Variants in CFAP206 observed in about 807,000 individuals in gnomAD.
CFAP206 encodes cilia- and flagella-associated protein 206.
A neutral mutation model predicts 65.4 loss-of-function variants in CFAP206; 53 were observed. The observed-to-expected ratio is 0.81, with a 90% CI of 0.65 to 1.02. CFAP206 has a LOEUF of 1.02. Among genes scored for constraint, CFAP206 ranks in the 50% least tolerant of loss-of-function variants. CFAP206 has a pLI of 0.00. For missense variants in CFAP206, 663 were observed against 753.2 expected, an observed-to-expected ratio of 0.88 and a Z score of 1.40; for synonymous variants, 250 against 254.4, an observed-to-expected ratio of 0.98 and a Z score of 0.17.
chr6:87,427,942 G>A (rs753030176), intron 8 of CFAP206, among the ~76,000 whole-genome samples: 3 of 148,910 alleles, frequency 2.0e-5, no homozygotes, highest in Non-Finnish European at 4.4e-5. Flanking sequence ...TGCAGGGTGC[G>A]TGGGGGGAAC....
chr6:87,434,418 CAAAA>C (rs11435368), intron 10 of CFAP206, among the ~76,000 whole-genome samples: 4 of 102,356 alleles, frequency 3.9e-5, no homozygotes, highest in African/African-American at 1.5e-4. Flanking sequence ...GACACAGTCT[CAAAA>C]AAAAAAAAAA....
intron 11 of CFAP206, among the ~76,000 whole-genome samples, chr6:87,439,536 T>G (rs1320957704): frequency 6.6e-6 from 1 of 152,132 alleles, no homozygotes; most frequent in Admixed American, 6.5e-5. Context: ...CTTTTTGTGG[T>G]GTCTCTTGAT....
chr6:87,458,925 G>A (rs1768696876), intron 11 of CFAP206, among the ~76,000 whole-genome samples: 1 of 151,964 alleles, frequency 6.6e-6, no homozygotes, highest in South Asian at 2.1e-4. Flanking sequence ...CATGTAACCT[G>A]ATAATTATGT....
chr6:87,412,512 A>G (rs77385039), intron 3 of CFAP206, among the ~76,000 whole-genome samples: 1 of 152,200 alleles, frequency 6.6e-6, no homozygotes, highest in Non-Finnish European at 1.5e-5. Flanking sequence ...TAAAGAGGCA[A>G]GGCAGAGAAG....
Position 87,450,816 on chromosome 6 carries a change from C to A in CFAP206, c.1495-10206C>A, listed in dbSNP as rs562181012. ...GGGTAGGAAAGACAGTCTTTAATTG[C>A]CTATACTACCCCTCCCCGCATGCCC... On this transcript the variant is annotated intron_variant, in intron 11 of 12. Coordinates refer to ENST00000369562, the MANE Select transcript of CFAP206 (RefSeq NM_001031743.3). Among the ~76,000 whole-genome samples, 5 of 152,206 alleles carry A rather than the reference C, an allele frequency of 3.3e-5. No homozygotes were observed. In the East Asian group the frequency reaches 5.8e-4, roughly 18 times the overall value.
At chr6:87,408,133 C>G (rs986254771) in intron 1 of CFAP206, 44 bp downstream of exon 1, 1 of 954,538 alleles carries the variant, frequency 1.0e-6, no homozygotes, top group South Asian at 4.8e-5. Flanking sequence ...GGAGGCGTAC[C>G]CCGCCAGGCG....
At chr6:87,429,360 A>AT (rs1262917947) in intron 9 of CFAP206, among the ~76,000 whole-genome samples, 5 of 152,160 alleles carry the variant, frequency 3.3e-5, no homozygotes, top group Non-Finnish European at 5.9e-5. Flanking sequence ...GTTAACAATC[A>AT]TTTTTTGTGC....
intron 11 of CFAP206, chr6:87,441,421 T>A: frequency 6.4e-6 from 1 of 156,996 alleles, no homozygotes; most frequent in Non-Finnish European, 1.4e-5. Flanking sequence ...ACGTAAAAAA[T>A]TCTGTTTCTG....
chr6:87,463,989 A>T, intron 12 of CFAP206, 31 bp from the exon 13 acceptor site: 1 of 1,535,708 alleles, frequency 6.5e-7, no homozygotes. Context: ...CTTTAGAGAA[A>T]TGTTAATTCC....
At chr6:87,426,965 G>A (rs916606143) in intron 8 of CFAP206, among the ~76,000 whole-genome samples, 1 of 152,116 alleles carries the variant, frequency 6.6e-6, no homozygotes, top group East Asian at 1.9e-4. Context: ...ATTGCCTCCA[G>A]TACAGAGATG....
intron 7 of CFAP206, 123 bp downstream of exon 7, chr6:87,418,539 G>T: frequency 3.1e-5 from 23 of 737,758 alleles, no homozygotes; most frequent in East Asian, 1.3e-4. Context: ...GGTTTATATT[G>T]CTTTGGTAGA....
rs1206669821 is a variant in CFAP206 at position 87,437,825 on chromosome 6, A to ATTT, written c.1494+2796_1494+2798dup. Among the ~76,000 whole-genome samples, 11 of 104,488 alleles carry ATTT rather than the reference A, an allele frequency of 1.1e-4. 1 individual carries two copies. The highest frequency in any genetic ancestry group is 3.3e-4 in the African/African-American group (9 of 27,004). 68.5% of individuals were successfully genotyped at this position (104,488 alleles called of 152,430 possible). ...GGCATGCACCAACCATGCCTGGCTA[A>ATTT]TTTTTTTTTTTTTTTTTTTTTTTTT... On this transcript the variant is annotated intron_variant, in intron 11 of 12. Transcript: ENST00000369562.
intron 8 of CFAP206, among the ~76,000 whole-genome samples, chr6:87,428,335 T>A (rs1021325754): frequency 3.3e-5 from 5 of 151,620 alleles, no homozygotes; most frequent in Admixed American, 2.0e-4. Flanking sequence ...TTTTTTGAGG[T>A]GAAGAGTCCA....
At chr6:87,420,498 T>A (rs1767920139) in intron 7 of CFAP206, among the ~76,000 whole-genome samples, 1 of 152,260 alleles carries the variant, frequency 6.6e-6, no homozygotes, top group South Asian at 2.1e-4. Flanking sequence ...ACATGAATTC[T>A]AATCATGACT....
chr6:87,454,524 T>A (rs1381433380), intron 11 of CFAP206, among the ~76,000 whole-genome samples: 1 of 152,012 alleles, frequency 6.6e-6, no homozygotes, highest in Non-Finnish European at 1.5e-5. Context: ...TGAAATCATA[T>A]CAGTAGCTTC....
chr6:87,447,972 A>ATTATTATTATTATTAT (rs1328403636), intron 11 of CFAP206, among the ~76,000 whole-genome samples: 1 of 150,950 alleles, frequency 6.6e-6, no homozygotes, highest in African/African-American at 2.4e-5. Flanking sequence ...TATTATTACT[A>ATTATTATTATTATTAT]TACTTTAAGT....
chr6:87,434,890 A>G lies in CFAP206; in HGVS notation c.1331A>G (p.Lys444Arg). Residue 444 changes from lysine to arginine, a missense_variant, in exon 11 of 13, where the codon AAA becomes AGA. Transcript: ENST00000369562. ...CCAGCAATTGGAATTTTAAAATATAAAGAAAAATATTACACATTCAATAGT... is the reference window on the plus strand; with the variant it reads ...CCAGCAATTGGAATTTTAAAATATAGAGAAAAATATTACACATTCAATAGT... ...GNPAIGILKY[K>R]EKYYTFNSKD... is the part of the protein sequence containing the mutation. 2 of 1,443,128 alleles carry G rather than the reference A, an allele frequency of 1.4e-6. No homozygotes were observed. The highest frequency in any genetic ancestry group is 2.5e-5 in the South Asian group (2 of 79,196). 89.4% of individuals were successfully genotyped at this position (1,443,128 alleles called of 1,614,324 possible). A position where few individuals can be genotyped will look rare whatever the true frequency, so the allele number is the denominator to read the frequency against.
At chr6:87,409,760 C>T in intron 1 of CFAP206, 75 bp from the exon 2 acceptor site, 2 of 919,316 alleles carry the variant, frequency 2.2e-6, no homozygotes. Flanking sequence ...TACAATATTG[C>T]AGAAATCAAA....
Position 87,464,307 on chromosome 6 carries a change from A to G in CFAP206, c.*57A>G. On this transcript the variant is annotated 3_prime_UTR_variant, in exon 13 of 13. Transcript: ENST00000369562. ...CAATTATGAACAATAGCAAGTACTT[A>G]AAGGTATATTAACATCTATACAAAT... The G allele has an allele frequency of 7.3e-7, 1 of 1,374,390 alleles. No individual in the cohort carries two copies. Among genetic ancestry groups the G allele is most frequent in the Non-Finnish European group, 1.0e-6 (1 of 993,626 alleles). 85.1% of individuals were successfully genotyped at this position (1,374,390 alleles called of 1,614,324 possible).
Sources: gnomAD v4.1 joint callset for allele counts (sites outside exome capture counted in the v4.1 genomes callset) on GRCh38, gnomAD v4.1.1 for gene constraint, MANE v1.5 for transcripts, NCBI Gene and HGNC (gene_info 2026-07-23, HGNC 2026-07-21) for gene names.